Variants in C8orf34 observed in about 807,000 individuals in gnomAD.
The protein encoded by C8orf34 is uncharacterized protein C8orf34.
C8orf34 carries 65 observed loss-of-function variants against 68.3 expected under a neutral mutation model. That is an observed-to-expected ratio of 0.95 (90% CI 0.78 to 1.17). The LOEUF is 1.17. Among genes scored for constraint, C8orf34 ranks in the 50% most tolerant of loss-of-function variants. The pLI, the probability that C8orf34 is intolerant of heterozygous loss-of-function variation, is 0.00. For missense variants in C8orf34, 664 were observed against 655.4 expected (o/e 1.01, Z -0.14); for synonymous variants, 244 against 241.2 (o/e 1.01, Z -0.11).
chr8:68,744,344 A>T (rs1472473904), intron 10 of C8orf34, among the ~76,000 whole-genome samples: 2 of 152,246 alleles, frequency 1.3e-5, no homozygotes, highest in Non-Finnish European at 2.9e-5. Context: ...CCTCCAAAGG[A>T]ATGCAGTTTC....
chr8:68,461,521 A>C (rs1351471399), intron 3 of C8orf34, among the ~76,000 whole-genome samples: 2 of 152,212 alleles, frequency 1.3e-5, no homozygotes, highest in Non-Finnish European at 2.9e-5. Flanking sequence ...GAAGGAAAAA[A>C]TGTTAAGGGC....
At chr8:68,684,112 T>C (rs1320624802) in intron 8 of C8orf34, among the ~76,000 whole-genome samples, 1 of 152,230 alleles carries the variant, frequency 6.6e-6, no homozygotes, top group Non-Finnish European at 1.5e-5. Flanking sequence ...ACTTTCTTTT[T>C]CTTTCATCAT....
intron 3 of C8orf34, among the ~76,000 whole-genome samples, chr8:68,461,288 A>C (rs1020638115): frequency 6.6e-6 from 1 of 152,232 alleles, no homozygotes; most frequent in Non-Finnish European, 1.5e-5. Flanking sequence ...ATATGGGACT[A>C]TGTGAAAAGA....
chr8:68,782,223 A>G (rs1014493507), intron 11 of C8orf34, among the ~76,000 whole-genome samples: 2 of 152,162 alleles, frequency 1.3e-5, no homozygotes, highest in African/African-American at 4.8e-5. Context: ...AAACTGCAGC[A>G]GTGTGATTTC....
chr8:68,541,230 A>G (rs963019430), intron 7 of C8orf34, among the ~76,000 whole-genome samples: 7 of 152,092 alleles, frequency 4.6e-5, no homozygotes, highest in Non-Finnish European at 1.0e-4. Context: ...TAGGAGGCAT[A>G]GGTGGGATGA....
intron 10 of C8orf34, among the ~76,000 whole-genome samples, chr8:68,770,014 G>A (rs958577174): frequency 6.6e-6 from 1 of 152,128 alleles, no homozygotes; most frequent in East Asian, 1.9e-4. Flanking sequence ...CCAAGTAGAT[G>A]GGGGACAAGA....
At chr8:68,673,105 T>C (rs960182220) in intron 8 of C8orf34, among the ~76,000 whole-genome samples, 2 of 152,144 alleles carry the variant, frequency 1.3e-5, no homozygotes, top group African/African-American at 2.4e-5. Flanking sequence ...TCTTGGGCCC[T>C]GCATAACCAG....
chr8:68,638,499 A>G (rs1370930857), intron 7 of C8orf34, among the ~76,000 whole-genome samples: 2 of 152,062 alleles, frequency 1.3e-5, no homozygotes, highest in Admixed American at 6.6e-5. Context: ...TATTTTCATT[A>G]GCTTCAATCT....
At chr8:68,530,526 T>A (rs1229227941) in intron 6 of C8orf34, 9 of 711,946 alleles carry the variant, frequency 1.3e-5, no homozygotes, top group Non-Finnish European at 1.8e-5. Context: ...TTTTGATTGG[T>A]TTTGTTTACT....
intron 1 of C8orf34, among the ~76,000 whole-genome samples, chr8:68,346,425 T>C (rs910985053): frequency 6.6e-6 from 1 of 152,196 alleles, no homozygotes; most frequent in South Asian, 2.1e-4. Flanking sequence ...TTTATTACAA[T>C]TGATGAACCT....
chr8:68,508,783 C>G (rs529094218), intron 5 of C8orf34, among the ~76,000 whole-genome samples: 4 of 152,252 alleles, frequency 2.6e-5, no homozygotes, highest in African/African-American at 9.6e-5. Context: ...TCAAAAAATG[C>G]AAGGCATCTG....
chr8:68,741,523 T>C (rs145339068), intron 10 of C8orf34, among the ~76,000 whole-genome samples: 57 of 152,340 alleles, frequency 3.7e-4, no homozygotes, highest in African/African-American at 1.3e-3. Context: ...TATTTGACTG[T>C]AGTCACCCTG....
At chr8:68,746,241 T>C (rs1822488322) in intron 10 of C8orf34, among the ~76,000 whole-genome samples, 1 of 151,134 alleles carries the variant, frequency 6.6e-6, no homozygotes. Flanking sequence ...AAGCAGTGTG[T>C]AGAGGGAAAT....
At chr8:68,799,865 T>C (rs910150229) in intron 12 of C8orf34, among the ~76,000 whole-genome samples, 1 of 151,910 alleles carries the variant, frequency 6.6e-6, no homozygotes, top group Non-Finnish European at 1.5e-5. Flanking sequence ...ATGAGGCAAA[T>C]GGTGTTTGAA....
chr8:68,806,371 T>G (rs1585911994), intron 12 of C8orf34, among the ~76,000 whole-genome samples: 1 of 152,172 alleles, frequency 6.6e-6, no homozygotes, highest in African/African-American at 2.4e-5. Flanking sequence ...GAATTATCTT[T>G]GCCTGAAATT....
chr8:68,620,736 A>G (rs1406586477), intron 7 of C8orf34, among the ~76,000 whole-genome samples: 1 of 151,972 alleles, frequency 6.6e-6, no homozygotes, highest in Non-Finnish European at 1.5e-5. Flanking sequence ...GAGGAAAAAG[A>G]AGATAACTGT....
intron 8 of C8orf34, among the ~76,000 whole-genome samples, chr8:68,647,084 C>T (rs979506340): frequency 1.3e-5 from 2 of 152,082 alleles, no homozygotes; most frequent in Admixed American, 6.5e-5. Flanking sequence ...GGAACTCAAA[C>T]AACTCAATAA....
chr8:68,684,183 A>G (rs140665886), intron 8 of C8orf34, among the ~76,000 whole-genome samples: 1 of 152,252 alleles, frequency 6.6e-6, no homozygotes, highest in Non-Finnish European at 1.5e-5. Flanking sequence ...TAATGAACTC[A>G]TAAAAATACA....
intron 10 of C8orf34, among the ~76,000 whole-genome samples, chr8:68,771,791 GAA>G (rs1416588118): frequency 2.0e-5 from 3 of 152,090 alleles, no homozygotes; most frequent in African/African-American, 7.2e-5. Flanking sequence ...AAAAAAAAAT[GAA>G]AGACTAGATG....
Sources: allele counts gnomAD v4.1 joint callset (sites outside exome capture counted in the v4.1 genomes callset), GRCh38; gene constraint gnomAD v4.1.1; transcripts MANE v1.5; gene names NCBI Gene and HGNC (gene_info 2026-07-23, HGNC 2026-07-21).